Variants in MAPT observed in about 807,000 individuals in gnomAD.
MAPT encodes microtubule associated protein tau, also known as microtubule-associated protein tau.
Under a neutral mutation model 67.9 loss-of-function variants are expected in MAPT, and 34 were observed. The ratio of observed to expected loss-of-function variants is 0.50; its 90% CI spans 0.38 to 0.67. The LOEUF (loss-of-function observed/expected upper bound fraction) is 0.67, where lower values mean the gene tolerates loss of function less well. MAPT is among the 30% of genes least tolerant of loss of function. The probability of loss-of-function intolerance (pLI) is 0.00; values close to 1 mark genes in which losing one functional copy is unlikely to be tolerated. For synonymous variants in MAPT, 456 were observed against 464.5 expected (o/e 0.98, Z 0.23); for missense variants, 881 against 1,115.2 (o/e 0.79, Z 2.99).
chr17:45,993,866 A>G, intron 8 of MAPT: 1 of 1,526,534 alleles, frequency 6.6e-7, no homozygotes, highest in Non-Finnish European at 8.9e-7. Flanking sequence ...TGAAGGACTC[A>G]TTAAGGCCCT....
Position 45,991,597 on chromosome 17 carries a change from C to A in MAPT, c.1732+11C>A, listed in dbSNP as rs755138313. On this transcript the variant is annotated intron_variant, in intron 8 of 12. Transcript: ENST00000262410. ...CACCACCCAGCTCTGGTAAGAAGAA[C>A]GTTCTCTTGAATCTTAGAGGAAGCT... The A allele has an allele frequency of 1.2e-6, 2 of 1,614,046 alleles. No individual in the cohort carries two copies. The highest frequency in any genetic ancestry group is 2.2e-5 in the South Asian group (2 of 91,080).
chr17:45,959,195 T>C (rs1380016641), intron 1 of MAPT, among the ~76,000 whole-genome samples: 1 of 152,194 alleles, frequency 6.6e-6, no homozygotes, highest in Non-Finnish European at 1.5e-5. Context: ...TCCCGTATGT[T>C]CCCTGCCCTC....
chr17:45,983,854 C>T lies in MAPT; in HGVS notation c.1275C>T (p.Asp425=). 1 of 1,603,188 alleles carries T rather than the reference C, an allele frequency of 6.2e-7. No homozygotes were observed. The highest frequency in any genetic ancestry group is 1.3e-5 in the African/African-American group (1 of 74,090). The change falls in exon 5 of 13, where the codon GAC becomes GAT. Residue 425 remains aspartate, a synonymous_variant. Transcript: ENST00000262410. ...TGGGAGAGGACACAAAAGAGGCTGACCTTCCAGAGCCCTCTGAAAAGCAGC... is the reference window on the plus strand; with the variant it reads ...TGGGAGAGGACACAAAAGAGGCTGATCTTCCAGAGCCCTCTGAAAAGCAGC... ...PSLGEDTKEA[D]LPEPSEKQPA... is the part of the protein sequence containing the mutation.
intron 1 of MAPT, among the ~76,000 whole-genome samples, chr17:45,920,844 G>A (rs1279374594): frequency 1.3e-5 from 2 of 152,148 alleles, no homozygotes; most frequent in Non-Finnish European, 2.9e-5. Flanking sequence ...GGTTCCATTA[G>A]CCACAAACTC....
At chr17:45,954,972 G>A (rs1162116567) in intron 1 of MAPT, among the ~76,000 whole-genome samples, 2 of 152,138 alleles carry the variant, frequency 1.3e-5, no homozygotes, top group Admixed American at 1.3e-4. Context: ...GCGAAAGAGC[G>A]AGACTCCGTC....
rs990168594 is a variant in MAPT, at chr17:46,024,280, A to T, written c.*109A>T. ...CCCTCTGCCCCCAGCTGCTCCTCGC[A>T]GTTCGGTTAATTGGTTAATCACTTA... On this transcript the variant is annotated 3_prime_UTR_variant, in exon 13 of 13. Transcript: ENST00000262410. 3 of 1,020,490 alleles carry T rather than the reference A, an allele frequency of 2.9e-6. No individual in the cohort carries two copies. Among genetic ancestry groups the T allele is most frequent in the South Asian group, 2.7e-5 (2 of 74,842 alleles). 63.2% of individuals were successfully genotyped at this position (1,020,490 alleles called of 1,614,324 possible).
At chr17:45,903,237 C>A (rs753710663) in intron 1 of MAPT, among the ~76,000 whole-genome samples, 4 of 152,182 alleles carry the variant, frequency 2.6e-5, no homozygotes, top group Non-Finnish European at 5.9e-5. Context: ...TTGGAGCCAG[C>A]GTTCTAAATC....
rs1184457017 is a variant in MAPT, at chr17:45,962,303, C to T, written c.-17-18C>T. 1 of 1,609,562 alleles carries T rather than the reference C, an allele frequency of 6.2e-7. No homozygotes were observed. The highest frequency in any genetic ancestry group is 2.2e-5 in the East Asian group (1 of 44,858). On this transcript the variant is annotated intron_variant, in intron 1 of 12. Coordinates refer to ENST00000262410, the MANE Select transcript of MAPT (RefSeq NM_001377265.1). ...CCCAACACTCCTCAGAACTTATCCT[C>T]TCCTCTTCTTTCCCCAGGTGAACTT...
chr17:45,987,766 G>A (rs1197343215), intron 6 of MAPT, among the ~76,000 whole-genome samples: 1 of 152,240 alleles, frequency 6.6e-6, no homozygotes, highest in Non-Finnish European at 1.5e-5. Context: ...TCCCGGAAGT[G>A]CCTGCAGAGT....
intron 1 of MAPT, among the ~76,000 whole-genome samples, chr17:45,949,469 C>T (rs1458204459): frequency 1.3e-5 from 2 of 152,206 alleles, no homozygotes; most frequent in Admixed American, 1.3e-4. Context: ...TGGGAAGGCA[C>T]CCGTTTGATA....
chr17:45,953,874 C>T (rs1345036163), intron 1 of MAPT, among the ~76,000 whole-genome samples: 2 of 152,194 alleles, frequency 1.3e-5, no homozygotes, highest in East Asian at 3.8e-4. Context: ...GATTCTCCTG[C>T]TCCTGACTTG....
intron 1 of MAPT, among the ~76,000 whole-genome samples, chr17:45,943,414 G>C (rs1047096146): frequency 6.6e-6 from 1 of 152,120 alleles, no homozygotes; most frequent in Non-Finnish European, 1.5e-5. Context: ...CTCCAAGACG[G>C]TGCTGAGCTC....
chr17:45,934,661 C>T (rs1256106287), intron 1 of MAPT, among the ~76,000 whole-genome samples: 1 of 152,180 alleles, frequency 6.6e-6, no homozygotes, highest in Non-Finnish European at 1.5e-5. Context: ...CAATGCAAAG[C>T]CATCACTTCT....
At chr17:45,993,392 G>A (rs1053751973) in intron 8 of MAPT, among the ~76,000 whole-genome samples, 2 of 152,014 alleles carry the variant, frequency 1.3e-5, no homozygotes, top group African/African-American at 4.8e-5. Flanking sequence ...TTAACATCGG[G>A]CCAGTTGACT....
Position 46,017,818 on chromosome 17 carries a change from G to T in MAPT, c.2174-800G>T, listed in dbSNP as rs550838225. 3.3e-5 allele frequency among the ~76,000 whole-genome samples: 5 copies of T among 150,808 alleles called. No homozygotes were observed. The South Asian group carries it at 1.1e-3, about 32-fold the overall frequency. On this transcript the variant is annotated intron_variant, in intron 11 of 12. Coordinates refer to ENST00000262410, the MANE Select transcript of MAPT (RefSeq NM_001377265.1). ...TCAATTTAATTCCAAGGTCTTGTGGGGTCATGGTTTACAGGATGTTGATAT... is the reference window on the plus strand; with the variant it reads ...TCAATTTAATTCCAAGGTCTTGTGGTGTCATGGTTTACAGGATGTTGATAT...
At chr17:46,021,103 T>C (rs914072655) in intron 12 of MAPT, among the ~76,000 whole-genome samples, 1 of 152,188 alleles carries the variant, frequency 6.6e-6, no homozygotes, top group African/African-American at 2.4e-5. Context: ...TGTCTAACAA[T>C]GTAGTTTTGT....
intron 9 of MAPT, among the ~76,000 whole-genome samples, chr17:46,003,930 T>C (rs1286423722): frequency 6.6e-6 from 1 of 152,254 alleles, no homozygotes; most frequent in Non-Finnish European, 1.5e-5. Flanking sequence ...TGAAGGTGAC[T>C]CTACCCTGTT....
intron 1 of MAPT, among the ~76,000 whole-genome samples, chr17:45,954,352 C>T (rs1005134410): frequency 1.3e-5 from 2 of 152,138 alleles, no homozygotes; most frequent in African/African-American, 4.8e-5. Context: ...AAAAATGTGC[C>T]GACTCTTGAC....
intron 9 of MAPT, among the ~76,000 whole-genome samples, chr17:46,006,361 C>G (rs965398910): frequency 6.6e-6 from 1 of 152,160 alleles, no homozygotes; most frequent in African/African-American, 2.4e-5. Flanking sequence ...CACATGTTCT[C>G]ACACATTTGT....
Sources: gnomAD v4.1 joint callset for allele counts (sites outside exome capture counted in the v4.1 genomes callset) on GRCh38, gnomAD v4.1.1 for gene constraint, MANE v1.5 for transcripts, NCBI Gene and HGNC (gene_info 2026-07-23, HGNC 2026-07-21) for gene names.